Variants in FNDC4 observed in about 807,000 individuals in gnomAD.
The protein encoded by FNDC4 is fibronectin type III domain containing 4.
Under a neutral mutation model 25.1 loss-of-function variants are expected in FNDC4, and 11 were observed. That is an observed-to-expected ratio of 0.44 (90% CI 0.28 to 0.73). The LOEUF (loss-of-function observed/expected upper bound fraction) is 0.73, where lower values mean the gene tolerates loss of function less well. Ranked by LOEUF, FNDC4 falls within the 30% of genes least tolerant of loss-of-function variation. The pLI is 0.16. For synonymous variants in FNDC4, 136 were observed against 118.8 expected (o/e 1.14, Z -0.94); for missense variants, 250 against 304.3 (o/e 0.82, Z 1.33).
chr2:27,492,137 C>T lies in FNDC4; in HGVS notation c.*306G>A. 1 of 454,626 alleles carries T rather than the reference C, an allele frequency of 2.2e-6. No homozygotes were observed. The highest frequency in any genetic ancestry group is 1.9e-5 in the African/African-American group (1 of 51,890). 28.2% of individuals were successfully genotyped at this position (454,626 alleles called of 1,614,324 possible). On this transcript the variant is annotated 3_prime_UTR_variant, in exon 7 of 7. Transcript: ENST00000264703. The surrounding 1 kb of genome is among the most constrained non-coding windows in gnomAD (Gnocchi z 4.1). The stretch of plus-strand genomic sequence containing the variant: ...GCTGGGGATGCTCAGAGTCCTGATA[C>T]AGGTGAAATGGGGCCCCCATTTGGG...
rs1458775646 is a variant in FNDC4 at position 27,494,886 on chromosome 2, G to A, written c.-33C>T. 1.4e-5 allele frequency: 7 copies of A among 495,540 alleles called. No homozygotes were observed. The highest frequency in any genetic ancestry group is 6.8e-5 in the South Asian group (2 of 29,476). The allele number at this position is 495,540 out of a possible 1,614,324, so 30.7% of individuals were successfully genotyped here. On this transcript the variant is annotated 5_prime_UTR_variant, in exon 1 of 7. Coordinates refer to ENST00000264703, the MANE Select transcript of FNDC4 (RefSeq NM_022823.3). The surrounding 1 kb of genome is among the most constrained non-coding windows in gnomAD (Gnocchi z 4.6). ...GCCCTGCCCACACCCACCTCCGCCG[G>A]TCCTCGCGGTTGGTCAGGCCTCGGG...
At chr2:27,493,138 G>A (rs765252619) in intron 5 of FNDC4, among the ~76,000 whole-genome samples, 60 of 149,370 alleles carry the variant, frequency 4.0e-4, no homozygotes, top group Non-Finnish European at 7.8e-4. Context: ...TCAGCCTCCT[G>A]AGTAGCTGGG....
Position 27,493,917 on chromosome 2 carries a change from C to A in FNDC4, c.454+13G>T. On this transcript the variant is annotated intron_variant, in intron 4 of 6. Transcript: ENST00000264703. ...GGTAAGCAGCCAGAGAATCCAATAG[C>A]ACAGATCCTCACCTGGGCTTGAACT... is the stretch of plus-strand genomic sequence containing the variant. 6.2e-7 allele frequency: 1 copy of A among 1,613,210 alleles called. No individual in the cohort carries two copies. Among genetic ancestry groups the A allele is most frequent in the Non-Finnish European group, 8.5e-7 (1 of 1,179,132 alleles).
chr2:27,494,870 A>C lies in FNDC4; in HGVS notation c.-25+8T>G. The C allele has an allele frequency of 1.9e-6, 1 of 521,960 alleles. No individual in the cohort carries two copies. 32.3% of individuals were successfully genotyped at this position (521,960 alleles called of 1,614,324 possible). A position where few individuals can be genotyped will look rare whatever the true frequency, so the allele number is the denominator to read the frequency against. Reference sequence around the variant, plus strand: ...CCCCAGAGTGCGGTCCGCCCTGCCCACACCCACCTCCGCCGGTCCTCGCGG... The same window carrying C: ...CCCCAGAGTGCGGTCCGCCCTGCCCCCACCCACCTCCGCCGGTCCTCGCGG... On this transcript the variant is annotated splice_region_variant and intron_variant, in intron 1 of 6. Coordinates refer to ENST00000264703, the MANE Select transcript of FNDC4 (RefSeq NM_022823.3). The surrounding 1 kb of genome is among the most constrained non-coding windows in gnomAD (Gnocchi z 4.6).
chr2:27,493,768 A>C (rs1373525045), intron 4 of FNDC4, among the ~76,000 whole-genome samples, 162 bp downstream of exon 4: 1 of 152,230 alleles, frequency 6.6e-6, no homozygotes, highest in Admixed American at 6.5e-5. Context: ...CAGCCTGTCT[A>C]TACCCAATCC....
chr2:27,494,514 G>A lies in FNDC4; in HGVS notation c.133+33C>T, dbSNP rs746302057. 1.9e-5 allele frequency: 31 copies of A among 1,612,832 alleles called. No homozygotes were observed. The highest frequency in any genetic ancestry group is 2.5e-5 in the Non-Finnish European group (30 of 1,179,398). On this transcript the variant is annotated intron_variant, in intron 2 of 6. Transcript: ENST00000264703. This position sits in a 1 kb window ranked among gnomAD's most constrained non-coding sequence, Gnocchi z 4.6. Reference sequence around the variant, plus strand: ...CAGGTTTCACCCATTGACTAGCTGTGGTTGACCCTCAGCCCCGTTCCCCTT... The same window carrying A: ...CAGGTTTCACCCATTGACTAGCTGTAGTTGACCCTCAGCCCCGTTCCCCTT...
Position 27,493,946 on chromosome 2 carries a change from T to C in FNDC4, c.438A>G (p.Ser146=). 1 of 1,614,218 alleles carries C rather than the reference T, an allele frequency of 6.2e-7. No homozygotes were observed. The highest frequency in any genetic ancestry group is 8.5e-7 in the Non-Finnish European group (1 of 1,180,028). The change falls in exon 4 of 7, where the codon TCA becomes TCG. Residue 146 remains serine, a synonymous_variant. Transcript: ENST00000264703. ...RTLKGSDRLP[S]NSSSPGDITV... ...GATCCTCACCTGGGCTTGAACTGTT[T>C]GAAGGTAGCCGGTCAGAACCCTTGA... is the stretch of plus-strand genomic sequence containing the variant.
At position 27,494,863 on chromosome 2, in the gene FNDC4, C is replaced by T. The variant is rs1669346209; in HGVS notation, c.-25+15G>A. 1 of 547,742 alleles carries T rather than the reference C, an allele frequency of 1.8e-6. No homozygotes were observed. Among genetic ancestry groups the T allele is most frequent in the Middle Eastern group, 4.7e-4 (1 of 2,112 alleles). 33.9% of individuals were successfully genotyped at this position (547,742 alleles called of 1,614,324 possible). Reference sequence around the variant, plus strand: ...CGGGCGGCCCCAGAGTGCGGTCCGCCCTGCCCACACCCACCTCCGCCGGTC... The same window carrying T: ...CGGGCGGCCCCAGAGTGCGGTCCGCTCTGCCCACACCCACCTCCGCCGGTC... On this transcript the variant is annotated intron_variant, in intron 1 of 6. Coordinates refer to ENST00000264703, the MANE Select transcript of FNDC4 (RefSeq NM_022823.3). The surrounding 1 kb of genome is among the most constrained non-coding windows in gnomAD (Gnocchi z 4.6).
chr2:27,493,005 C>CTTTTTT (rs35996315), intron 5 of FNDC4, among the ~76,000 whole-genome samples: 18 of 107,164 alleles, frequency 1.7e-4, no homozygotes, highest in East Asian at 2.3e-4. Flanking sequence ...ATTTCTCTTA[C>CTTTTTT]TTTTTTTTTT....
intron 4 of FNDC4, 75 bp from the exon 5 acceptor site, chr2:27,493,553 TG>T: frequency 8.5e-7 from 1 of 1,176,758 alleles, no homozygotes; most frequent in South Asian, 1.2e-5. Flanking sequence ...ATGGAGATGC[TG>T]GGGATTAGAA....
chr2:27,492,256 C>A lies in FNDC4; in HGVS notation c.*187G>T. On this transcript the variant is annotated 3_prime_UTR_variant, in exon 7 of 7. Transcript: ENST00000264703. The surrounding 1 kb of genome is among the most constrained non-coding windows in gnomAD (Gnocchi z 4.1). ...GATATCCACTCCCCAGGTCCAGGGG[C>A]ACAGACTCTGAACAGACCTACCTTC... The A allele has an allele frequency of 1.5e-6, 1 of 683,374 alleles. No individual in the cohort carries two copies. The allele number at this position is 683,374 out of a possible 1,614,324, so 42.3% of individuals were successfully genotyped here. A position where few individuals can be genotyped will look rare whatever the true frequency, so the allele number is the denominator to read the frequency against.
rs1669320667 is a variant in FNDC4 at position 27,494,014 on chromosome 2, G to GA, written c.369dup (p.Arg124SerfsTer19). 1.2e-6 allele frequency: 2 copies of GA among 1,614,060 alleles called. No homozygotes were observed. Among genetic ancestry groups the GA allele is most frequent in the African/African-American group, 1.3e-5 (1 of 74,926 alleles). On this transcript the variant is annotated frameshift_variant, in exon 4 of 7. Transcript: ENST00000264703. LOFTEE classifies it high-confidence loss of function. The surrounding 1 kb of genome is among the most constrained non-coding windows in gnomAD (Gnocchi z 4.6). ...CGGGGCCCTGGGGGACTCTCTCCCCGAAGGCCGATGCTCCTGACCTGCACT... is the reference window on the plus strand; with the variant it reads ...CGGGGCCCTGGGGGACTCTCTCCCCGAAAGGCCGATGCTCCTGACCTGCACT...
Position 27,495,176 on chromosome 2 carries a change from C to T in FNDC4, c.-323G>A, listed in dbSNP as rs1669358238. 6.6e-6 allele frequency: 1 copy of T among 151,686 alleles called. No individual in the cohort carries two copies. The highest frequency in any genetic ancestry group is 2.1e-4 in the South Asian group (1 of 4,830). The allele number at this position is 151,686 out of a possible 1,614,324, so 9.4% of individuals were successfully genotyped here. ...CCCCTGCAGCGGGATGTGACCGTCC[C>T]GGAGAGCCAGCCGCCGCCTTCTGCA... On this transcript the variant is annotated 5_prime_UTR_variant, in exon 1 of 7. Transcript: ENST00000264703.
chr2:27,494,213 TC>T lies in FNDC4; in HGVS notation c.250-80del. 1 of 1,459,428 alleles carries T rather than the reference TC, an allele frequency of 6.9e-7. No homozygotes were observed. The highest frequency in any genetic ancestry group is 9.5e-7 in the Non-Finnish European group (1 of 1,054,192). The allele number at this position is 1,459,428 out of a possible 1,614,324, so 90.4% of individuals were successfully genotyped here. ...AGGCTCAACCAGAGACTCTTCAACA[TC>T]CAAGCACTCCGGGGGAGTAGCGTGA... On this transcript the variant is annotated intron_variant, in intron 3 of 6. Transcript: ENST00000264703. This position sits in a 1 kb window ranked among gnomAD's most constrained non-coding sequence, Gnocchi z 4.6.
In FNDC4 at chr2:27,494,858, TCCGCC is replaced by T; in HGVS notation, c.-25+15_-25+19del. On this transcript the variant is annotated intron_variant, in intron 1 of 6. Coordinates refer to ENST00000264703, the MANE Select transcript of FNDC4 (RefSeq NM_022823.3). The surrounding 1 kb of genome is among the most constrained non-coding windows in gnomAD (Gnocchi z 4.6). ...TTGCCCGGGCGGCCCCAGAGTGCGG[TCCGCC>T]CTGCCCACACCCACCTCCGCCGGTC... The T allele has an allele frequency of 1.8e-6, 1 of 570,570 alleles. No individual in the cohort carries two copies. Among genetic ancestry groups the T allele is most frequent in the Non-Finnish European group, 3.1e-6 (1 of 324,306 alleles). 35.3% of individuals were successfully genotyped at this position (570,570 alleles called of 1,614,324 possible). A position where few individuals can be genotyped will look rare whatever the true frequency, so the allele number is the denominator to read the frequency against.
rs1198742016 is a variant in FNDC4 at position 27,494,502 on chromosome 2, T to C, written c.134-36A>G. 11 of 1,613,252 alleles carry C rather than the reference T, an allele frequency of 6.8e-6. No individual in the cohort carries two copies. Among genetic ancestry groups the C allele is most frequent in the Non-Finnish European group, 9.3e-6 (11 of 1,179,612 alleles). On this transcript the variant is annotated intron_variant, in intron 2 of 6. Coordinates refer to ENST00000264703, the MANE Select transcript of FNDC4 (RefSeq NM_022823.3). The surrounding 1 kb of genome is among the most constrained non-coding windows in gnomAD (Gnocchi z 4.6). ...CAGGGTGTTTAACAGGTTTCACCCA[T>C]TGACTAGCTGTGGTTGACCCTCAGC...
Position 27,494,740 on chromosome 2 carries a change from C to T in FNDC4, c.-24-37G>A. The T allele has an allele frequency of 2.3e-6, 3 of 1,324,614 alleles. No homozygotes were observed. Among genetic ancestry groups the T allele is most frequent in the South Asian group, 3.0e-5 (2 of 66,848 alleles). 82.1% of individuals were successfully genotyped at this position (1,324,614 alleles called of 1,614,324 possible). A position where few individuals can be genotyped will look rare whatever the true frequency, so the allele number is the denominator to read the frequency against. ...AGGAGTTGTGGGGGGTCAAGGACTG[C>T]CCAGAACGCACGGAGGTCGGGGGGC... On this transcript the variant is annotated intron_variant, in intron 1 of 6. Transcript: ENST00000264703. The surrounding 1 kb of genome is among the most constrained non-coding windows in gnomAD (Gnocchi z 4.6).
rs35996315 is a variant in FNDC4 at position 27,493,005 on chromosome 2, C to CTTTTT, written c.545-220_545-216dup. Among the ~76,000 whole-genome samples, 24 of 107,172 alleles carry CTTTTT rather than the reference C, an allele frequency of 2.2e-4. 1 individual carries two copies. The highest frequency in any genetic ancestry group is 6.1e-4 in the South Asian group (2 of 3,258). 70.3% of individuals were successfully genotyped at this position (107,172 alleles called of 152,430 possible). ...TCCCCACTCCACTCTATTTCTCTTA[C>CTTTTT]TTTTTTTTTTTTTTTTTTTTTGAGA... On this transcript the variant is annotated intron_variant, in intron 5 of 6. Coordinates refer to ENST00000264703, the MANE Select transcript of FNDC4 (RefSeq NM_022823.3).
Position 27,494,923 on chromosome 2 carries a change from T to C in FNDC4, c.-70A>G, listed in dbSNP as rs1461337866. On this transcript the variant is annotated 5_prime_UTR_variant, in exon 1 of 7. Transcript: ENST00000264703. This position sits in a 1 kb window ranked among gnomAD's most constrained non-coding sequence, Gnocchi z 4.6. ...GGTCAGGCCTCGGGGGGCTGCTCGG[T>C]GCCCAGAGGGCGGCCCATCGCCCGA... is the stretch of plus-strand genomic sequence containing the variant. The C allele has an allele frequency of 1.5e-5, 6 of 390,450 alleles. No homozygotes were observed. The highest frequency in any genetic ancestry group is 4.4e-5 in the Admixed American group (1 of 22,668). The allele number at this position is 390,450 out of a possible 1,614,324, so 24.2% of individuals were successfully genotyped here.
Sources: gnomAD v4.1 joint callset for allele counts (sites outside exome capture counted in the v4.1 genomes callset) on GRCh38, gnomAD v4.1.1 for gene constraint, Gnocchi (gnomAD v3.1) non-coding constraint, MANE v1.5 for transcripts, NCBI Gene and HGNC (gene_info 2026-07-23, HGNC 2026-07-21) for gene names.